MYO1B: variants seen among roughly 807,000 people sequenced by gnomAD.
MYO1B encodes the protein myosin IB.
MYO1B carries 72 observed loss-of-function variants against 159.7 expected under a neutral mutation model. The observed-to-expected ratio is 0.45, with a 90% confidence interval of 0.37 to 0.55. The LOEUF (loss-of-function observed/expected upper bound fraction) is 0.55, where lower values mean the gene tolerates loss of function less well. Among genes scored for constraint, MYO1B ranks in the 20% least tolerant of loss-of-function variants. The pLI, the probability that MYO1B is intolerant of heterozygous loss-of-function variation, is 0.00. For synonymous variants in MYO1B, 468 were observed against 473.8 expected (o/e 0.99, Z 0.16); for missense variants, 1,062 against 1,364.8 (o/e 0.78, Z 3.50).
intron 3 of MYO1B, among the ~76,000 whole-genome samples, chr2:191,308,247 C>G (rs1574393834): frequency 6.6e-6 from 1 of 152,204 alleles, no homozygotes; most frequent in Non-Finnish European, 1.5e-5. Context: ...AGCCCTGTGT[C>G]AGGAACCTGA....
intron 6 of MYO1B, among the ~76,000 whole-genome samples, chr2:191,348,481 A>G (rs529119313): frequency 7.2e-5 from 11 of 152,184 alleles, no homozygotes; most frequent in Admixed American, 2.0e-4. Context: ...GACTCCTTTG[A>G]CAGAGTAACC....
chr2:191,392,133 G>A lies in MYO1B; in HGVS notation c.2008G>A (p.Glu670Lys). The A allele has an allele frequency of 6.2e-7, 1 of 1,609,218 alleles. No individual in the cohort carries two copies. Among genetic ancestry groups the A allele is most frequent in the Non-Finnish European group, 8.5e-7 (1 of 1,176,488 alleles). The change falls in exon 19 of 31, where the codon GAA becomes AAA. Residue 670 changes from glutamate (E) to lysine (K), a missense_variant. Physicochemically the swap from Glu to Lys is moderately conservative, Grantham distance 56 (BLOSUM62 1). This residue lies in a region of MYO1B where 609 missense variants were observed against 744.4 expected (regional missense o/e 0.82). Transcript: ENST00000392318. ...ARSGVEVLFN[E>K]LEIPVEEYSF... ...GTCTGGTGTGGAGGTCCTATTTAAT[G>A]AATTAGAAATTCCCGTGGAAGAATA...
intron 2 of MYO1B, among the ~76,000 whole-genome samples, chr2:191,287,680 A>G (rs1688458612): frequency 1.3e-5 from 2 of 152,234 alleles, no homozygotes; most frequent in African/African-American, 4.8e-5. Flanking sequence ...ATGAAATGAC[A>G]TAGGTAGAAT....
At chr2:191,335,599 A>G (rs1005430403) in intron 4 of MYO1B, among the ~76,000 whole-genome samples, 1 of 152,180 alleles carries the variant, frequency 6.6e-6, no homozygotes, top group Non-Finnish European at 1.5e-5. Context: ...GTTTTTGTGT[A>G]CATGTGTTCA....
chr2:191,371,869 A>G (rs1487144631), intron 13 of MYO1B, among the ~76,000 whole-genome samples: 1 of 152,220 alleles, frequency 6.6e-6, no homozygotes, highest in Non-Finnish European at 1.5e-5. Flanking sequence ...TCTTCAACAC[A>G]GCATCTGCTT....
intron 13 of MYO1B, among the ~76,000 whole-genome samples, chr2:191,374,041 TAC>T (rs1232825803): frequency 6.6e-6 from 1 of 152,196 alleles, no homozygotes; most frequent in Admixed American, 6.5e-5. Flanking sequence ...TGCTTTTTAA[TAC>T]AGAGTTACAG....
chr2:191,262,153 T>C (rs1327333819), intron 1 of MYO1B, among the ~76,000 whole-genome samples: 2 of 152,198 alleles, frequency 1.3e-5, no homozygotes, highest in African/African-American at 4.8e-5. Flanking sequence ...GTTCCTCAAC[T>C]ACTAGATTGG....
intron 3 of MYO1B, among the ~76,000 whole-genome samples, chr2:191,325,070 T>G (rs1378976013): frequency 6.6e-6 from 1 of 152,200 alleles, no homozygotes; most frequent in African/African-American, 2.4e-5. Context: ...TCCATGTCCT[T>G]GTGGACCACC....
intron 1 of MYO1B, among the ~76,000 whole-genome samples, chr2:191,262,610 CT>C (rs1196682915): frequency 1.6e-5 from 1 of 61,064 alleles, no homozygotes; most frequent in Non-Finnish European, 3.8e-5. Context: ...CTATGTAATG[CT>C]TCTCTCTCCC....
intron 1 of MYO1B, among the ~76,000 whole-genome samples, chr2:191,256,157 A>G (rs1352587149): frequency 6.6e-6 from 1 of 152,188 alleles, no homozygotes; most frequent in Non-Finnish European, 1.5e-5. Flanking sequence ...CTTAGTTGAG[A>G]TAAGTCCTCT....
Position 191,349,122 on chromosome 2 carries a change from T to C in MYO1B, c.499-1040T>C, listed in dbSNP as rs1468117465. The stretch of plus-strand genomic sequence containing the variant: ...GAATATCCAGTTAACCTGTCTCAAT[T>C]CCCCCGCTAGACAGTAAGCTCCTTG... On this transcript the variant is annotated intron_variant, in intron 6 of 30. Transcript: ENST00000392318. Among the ~76,000 whole-genome samples the C allele has an allele frequency of 2.0e-5, 3 of 152,224 alleles. No homozygotes were observed. In the East Asian group the frequency reaches 5.8e-4, roughly 29 times the overall value.
intron 16 of MYO1B, 61 bp from the exon 17 acceptor site, chr2:191,387,163 T>C (rs1695444513): frequency 1.3e-6 from 2 of 1,490,616 alleles, no homozygotes; most frequent in Admixed American, 3.8e-5. Flanking sequence ...GTATTTTTAA[T>C]AGTTGTTTGA....
chr2:191,322,142 C>T (rs564714295), intron 3 of MYO1B, among the ~76,000 whole-genome samples: 6 of 152,264 alleles, frequency 3.9e-5, no homozygotes, highest in Non-Finnish European at 8.8e-5. Context: ...CAGGATGCTC[C>T]GCTATGGGGA....
At chr2:191,315,187 CCA>C (rs1690270416) in intron 3 of MYO1B, among the ~76,000 whole-genome samples, 1 of 151,922 alleles carries the variant, frequency 6.6e-6, no homozygotes, top group Non-Finnish European at 1.5e-5. Context: ...ATCCATCCAT[CCA>C]TCCACCCATC....
At chr2:191,279,880 G>A (rs557983946) in intron 2 of MYO1B, among the ~76,000 whole-genome samples, 1 of 152,224 alleles carries the variant, frequency 6.6e-6, no homozygotes, top group South Asian at 2.1e-4. Context: ...TATGTTTAGA[G>A]CTATGTCTGA....
At chr2:191,382,245 T>C (rs1195792586) in intron 14 of MYO1B, among the ~76,000 whole-genome samples, 1 of 152,160 alleles carries the variant, frequency 6.6e-6, no homozygotes, top group Non-Finnish European at 1.5e-5. Context: ...TTAGTAATGA[T>C]ATTACCTGTT....
intron 2 of MYO1B, among the ~76,000 whole-genome samples, chr2:191,293,953 A>G (rs938670201): frequency 2.6e-5 from 4 of 152,194 alleles, no homozygotes; most frequent in East Asian, 1.9e-4. Flanking sequence ...TTATATTTCA[A>G]TGCAAGAATA....
chr2:191,421,005 C>T (rs994433339), intron 30 of MYO1B, among the ~76,000 whole-genome samples: 6 of 151,916 alleles, frequency 3.9e-5, no homozygotes, highest in Admixed American at 3.9e-4. Flanking sequence ...AGTAAATGGC[C>T]AAGCACAGTG....
At chr2:191,374,694 C>A (rs1694588459) in intron 13 of MYO1B, among the ~76,000 whole-genome samples, 1 of 151,920 alleles carries the variant, frequency 6.6e-6, no homozygotes, top group South Asian at 2.1e-4. Context: ...AACATTGATA[C>A]CAAAAATAAG....
Sources: gnomAD v4.1 joint callset for allele counts (sites outside exome capture counted in the v4.1 genomes callset) on GRCh38, gnomAD v4.1.1 for gene constraint, gnomAD v4.1.1 regional missense constraint, MANE v1.5 for transcripts, NCBI Gene and HGNC (gene_info 2026-07-23, HGNC 2026-07-21) for gene names.